The following PDZRN4 variants were observed in gnomAD, a reference collection of about 807,000 sequenced individuals.
PDZRN4 encodes the protein PDZ domain-containing RING finger protein 4.
PDZRN4 carries 70 observed loss-of-function variants against 99.0 expected under a neutral mutation model. The ratio of observed to expected loss-of-function variants is 0.71; its 90% CI spans 0.58 to 0.86. PDZRN4 has a LOEUF of 0.86. PDZRN4 is among the 40% of genes least tolerant of loss of function. The probability of loss-of-function intolerance (pLI) is 0.00; values close to 1 mark genes in which losing one functional copy is unlikely to be tolerated. For missense variants in PDZRN4, 1,474 were observed against 1,331.2 expected, an observed-to-expected ratio of 1.11 and a Z score of -1.67; for synonymous variants, 551 against 501.6, an observed-to-expected ratio of 1.10 and a Z score of -1.32.
chr12:41,506,762 G>T, intron 4 of PDZRN4, 50 bp downstream of exon 4: 1 of 1,551,308 alleles, frequency 6.4e-7, no homozygotes. Flanking sequence ...CATTTGTCAC[G>T]TAAAGCAGAT....
intron 3 of PDZRN4, among the ~76,000 whole-genome samples, chr12:41,409,256 T>C (rs1251489299): frequency 6.6e-6 from 1 of 152,186 alleles, no homozygotes; most frequent in Non-Finnish European, 1.5e-5. Context: ...ACATCTATGC[T>C]ATTTTATTAT....
chr12:41,531,801 A>G (rs942174020), intron 5 of PDZRN4, among the ~76,000 whole-genome samples: 2 of 151,756 alleles, frequency 1.3e-5, no homozygotes, highest in African/African-American at 4.8e-5. Flanking sequence ...TTTTTTGTTT[A>G]TTTACTTTTT....
intron 3 of PDZRN4, among the ~76,000 whole-genome samples, chr12:41,367,112 C>T (rs17129296): frequency 0.067 from 10,238 of 152,142 alleles, 864 homozygotes; most frequent in East Asian, 0.18. Context: ...TGATGTGCAA[C>T]ACCTTTGTGC....
intron 3 of PDZRN4, among the ~76,000 whole-genome samples, chr12:41,206,558 A>G (rs895309623): frequency 6.8e-6 from 1 of 147,710 alleles, no homozygotes; most frequent in African/African-American, 2.6e-5. Context: ...ATAAATTAAT[A>G]ATTTATTAAG....
chr12:41,571,217 T>C (rs922361301), intron 9 of PDZRN4, among the ~76,000 whole-genome samples: 1 of 152,116 alleles, frequency 6.6e-6, no homozygotes, highest in Non-Finnish European at 1.5e-5. Context: ...TAGATTATCA[T>C]ATGATGACTG....
chr12:41,286,687 G>A (rs1013934852), intron 3 of PDZRN4, among the ~76,000 whole-genome samples: 3 of 152,126 alleles, frequency 2.0e-5, no homozygotes, highest in African/African-American at 7.2e-5. Context: ...ATGTTTGGGT[G>A]TTCACTACAA....
chr12:41,479,889 C>T (rs1937647342), intron 3 of PDZRN4, among the ~76,000 whole-genome samples: 1 of 152,156 alleles, frequency 6.6e-6, no homozygotes, highest in African/African-American at 2.4e-5. Context: ...TTCATCTACT[C>T]TGAATAGCTA....
At position 41,269,177 on chromosome 12, in the gene PDZRN4, A is replaced by G. The variant is rs180989145; in HGVS notation, c.843+74989A>G. On this transcript the variant is annotated intron_variant, in intron 3 of 9. Transcript: ENST00000402685. ...TTCTGAAGCTAAGAACAGTACTGCT[A>G]GTGTCCATGAAAATGGAAAGCACCT... 2.0e-5 allele frequency among the ~76,000 whole-genome samples: 3 copies of G among 152,342 alleles called. No individual in the cohort carries two copies. In the East Asian group the frequency reaches 5.8e-4, roughly 29 times the overall value.
chr12:41,351,628 A>G (rs1366329288), intron 3 of PDZRN4, among the ~76,000 whole-genome samples: 1 of 151,974 alleles, frequency 6.6e-6, no homozygotes, highest in Non-Finnish European at 1.5e-5. Context: ...ACCAAATCTC[A>G]TGAGAACTCT....
chr12:41,536,011 G>A (rs285559), intron 5 of PDZRN4, among the ~76,000 whole-genome samples: 19,042 of 152,060 alleles, frequency 0.13, 1,214 homozygotes, highest in African/African-American at 0.16. Flanking sequence ...TATAGCCGTC[G>A]GGTTCCCAGC....
chr12:41,532,970 T>G (rs1938685839), intron 5 of PDZRN4, among the ~76,000 whole-genome samples: 1 of 152,156 alleles, frequency 6.6e-6, no homozygotes, highest in African/African-American at 2.4e-5. Context: ...TAACTATACA[T>G]TAGATCAACC....
chr12:41,373,922 C>A (rs1008541198), intron 3 of PDZRN4, among the ~76,000 whole-genome samples: 13 of 152,172 alleles, frequency 8.5e-5, no homozygotes, highest in African/African-American at 3.1e-4. Context: ...AATTTATGTT[C>A]TTCTGCCATG....
At chr12:41,321,702 A>T (rs1252594790) in intron 3 of PDZRN4, among the ~76,000 whole-genome samples, 1 of 152,146 alleles carries the variant, frequency 6.6e-6, no homozygotes, top group Non-Finnish European at 1.5e-5. Flanking sequence ...ACTGTTTTTT[A>T]AATAAATAGG....
chr12:41,355,157 G>A lies in PDZRN4; in HGVS notation c.844-151299G>A, dbSNP rs564977188. Among the ~76,000 whole-genome samples, 8 of 152,096 alleles carry A rather than the reference G, an allele frequency of 5.3e-5. No individual in the cohort carries two copies. The East Asian group carries it at 5.8e-4, about 11-fold the overall frequency. ...CCCTTGGGGAAAGGACTGAGAAATC[G>A]GAACTCTGGTTCAAGAAAATAAAAT... is the stretch of plus-strand genomic sequence containing the variant. On this transcript the variant is annotated intron_variant, in intron 3 of 9. Coordinates refer to ENST00000402685, the MANE Select transcript of PDZRN4 (RefSeq NM_001164595.2).
chr12:41,216,281 C>A (rs1029029030), intron 3 of PDZRN4, among the ~76,000 whole-genome samples: 1 of 151,852 alleles, frequency 6.6e-6, no homozygotes, highest in African/African-American at 2.4e-5. Flanking sequence ...ATAAGAAATG[C>A]AAGCAATCAT....
chr12:41,258,312 C>T (rs796769720), intron 3 of PDZRN4, among the ~76,000 whole-genome samples: 14 of 152,062 alleles, frequency 9.2e-5, no homozygotes, highest in African/African-American at 3.4e-4. Flanking sequence ...AACCTATAGC[C>T]TCAATGTTTT....
chr12:41,535,109 A>G (rs532593598), intron 5 of PDZRN4, among the ~76,000 whole-genome samples: 3 of 152,260 alleles, frequency 2.0e-5, no homozygotes, highest in African/African-American at 7.2e-5. Flanking sequence ...AGTTATTTTT[A>G]TACTAACTCT....
intron 3 of PDZRN4, among the ~76,000 whole-genome samples, chr12:41,353,467 G>C (rs1173977066): frequency 6.6e-6 from 1 of 152,020 alleles, no homozygotes; most frequent in Non-Finnish European, 1.5e-5. Flanking sequence ...CGAAAGATAG[G>C]GCACAGACAT....
chr12:41,476,170 A>G (rs1402713435), intron 3 of PDZRN4, among the ~76,000 whole-genome samples: 1 of 152,204 alleles, frequency 6.6e-6, no homozygotes, highest in African/African-American at 2.4e-5. Flanking sequence ...AACTTTGTAT[A>G]TAAAGAAAGA....
Sources: allele counts gnomAD v4.1 joint callset (sites outside exome capture counted in the v4.1 genomes callset), GRCh38; gene constraint gnomAD v4.1.1; transcripts MANE v1.5; gene names NCBI Gene and HGNC (gene_info 2026-07-23, HGNC 2026-07-21).